The following SPOCK3 variants were observed in gnomAD, a reference collection of about 807,000 sequenced individuals.
The protein encoded by SPOCK3 is SPARC (osteonectin), cwcv and kazal like domains proteoglycan 3.
A neutral mutation model predicts 56.6 loss-of-function variants in SPOCK3; 30 were observed. The ratio of observed to expected loss-of-function variants is 0.53; its 90% confidence interval spans 0.40 to 0.72. SPOCK3 has a LOEUF of 0.72. Ranked by LOEUF, SPOCK3 falls within the 30% of genes least tolerant of loss-of-function variation. The pLI, the probability that SPOCK3 is intolerant of heterozygous loss-of-function variation, is 0.00. For missense variants in SPOCK3, 527 were observed against 530.0 expected (o/e 0.99, Z 0.06); for synonymous variants, 196 against 183.3 (o/e 1.07, Z -0.56).
intron 4 of SPOCK3, among the ~76,000 whole-genome samples, chr4:166,992,314 A>G (rs1432008362): frequency 6.6e-6 from 1 of 152,144 alleles, no homozygotes; most frequent in African/African-American, 2.4e-5. Flanking sequence ...TAAGCGTTAA[A>G]TTTTAAAAAT....
intron 6 of SPOCK3, among the ~76,000 whole-genome samples, chr4:166,817,758 C>G (rs1579313213): frequency 1.3e-5 from 2 of 151,786 alleles, no homozygotes; most frequent in East Asian, 1.9e-4. Context: ...AAATATAATA[C>G]AAGAAGAAAA....
intron 6 of SPOCK3, among the ~76,000 whole-genome samples, chr4:166,829,380 T>C (rs529412268): frequency 3.9e-5 from 6 of 152,198 alleles, no homozygotes; most frequent in African/African-American, 1.4e-4. Flanking sequence ...TAAATAGGGC[T>C]GAATATTTTA....
At chr4:166,821,066 T>C (rs1744887061) in intron 6 of SPOCK3, among the ~76,000 whole-genome samples, 1 of 151,896 alleles carries the variant, frequency 6.6e-6, no homozygotes, top group African/African-American at 2.4e-5. Context: ...GATAATGAAC[T>C]GCCAGAAAAC....
At chr4:166,959,061 T>G (rs1287667321) in intron 4 of SPOCK3, among the ~76,000 whole-genome samples, 1 of 152,212 alleles carries the variant, frequency 6.6e-6, no homozygotes, top group East Asian at 1.9e-4. Flanking sequence ...AAGCATCCAA[T>G]TGATGCTATA....
intron 8 of SPOCK3, among the ~76,000 whole-genome samples, chr4:166,750,336 G>A (rs2126466064): frequency 6.6e-6 from 1 of 152,030 alleles, no homozygotes; most frequent in Non-Finnish European, 1.5e-5. Flanking sequence ...AGACTATTAG[G>A]TCTACACAGG....
At position 167,146,815 on chromosome 4, in the gene SPOCK3, G is replaced by A. The variant is rs564344329; in HGVS notation, c.190-84278C>T. ...TTCTGGGACACATTTAAAGCAGTGT[G>A]GAGAGGGAAATTTATAGCACTAAAT... On this transcript the variant is annotated intron_variant, in intron 2 of 10. Coordinates refer to ENST00000357545, the MANE Select transcript of SPOCK3 (RefSeq NM_001040159.2). 4.6e-5 allele frequency among the ~76,000 whole-genome samples: 7 copies of A among 152,234 alleles called. No homozygotes were observed. The South Asian group carries it at 1.5e-3, about 32-fold the overall frequency.
chr4:167,220,443 A>ATCACGAC (rs1554055302), intron 2 of SPOCK3, among the ~76,000 whole-genome samples: 1 of 146,510 alleles, frequency 6.8e-6, no homozygotes, highest in Non-Finnish European at 1.5e-5. Flanking sequence ...CAGTGGTGTG[A>ATCACGAC]TCACGGCTCA....
intron 2 of SPOCK3, among the ~76,000 whole-genome samples, chr4:167,142,455 A>G (rs1286406936): frequency 2.6e-5 from 4 of 152,010 alleles, no homozygotes. Flanking sequence ...AGAAAAAAAA[A>G]TCCATCAATA....
intron 2 of SPOCK3, among the ~76,000 whole-genome samples, chr4:167,108,424 A>C (rs1204071410): frequency 6.6e-6 from 1 of 152,004 alleles, no homozygotes; most frequent in Non-Finnish European, 1.5e-5. Context: ...TCAACAGATG[A>C]ATGGATAAAG....
chr4:167,214,650 C>A (rs952532551), intron 2 of SPOCK3, among the ~76,000 whole-genome samples: 1 of 152,040 alleles, frequency 6.6e-6, no homozygotes, highest in African/African-American at 2.4e-5. Context: ...CTATAAATTT[C>A]ACTTTTCTGT....
chr4:167,225,417 G>A (rs71620432), intron 2 of SPOCK3, among the ~76,000 whole-genome samples: 4,837 of 152,080 alleles, frequency 0.032, 115 homozygotes, highest in Middle Eastern at 0.075. Context: ...ATTAGGGAAA[G>A]CATCAATCCT....
intron 4 of SPOCK3, among the ~76,000 whole-genome samples, chr4:166,949,572 G>C (rs1742254112): frequency 6.6e-6 from 1 of 152,114 alleles, no homozygotes. Flanking sequence ...AGGACCCTTA[G>C]CTGCACGTCT....
At chr4:166,993,645 G>A (rs1748041338) in intron 4 of SPOCK3, among the ~76,000 whole-genome samples, 1 of 152,038 alleles carries the variant, frequency 6.6e-6, no homozygotes, top group African/African-American at 2.4e-5. Flanking sequence ...CTATGATCAT[G>A]ACAGGAGTAA....
intron 2 of SPOCK3, among the ~76,000 whole-genome samples, chr4:167,152,264 C>A (rs1470916771): frequency 6.6e-6 from 1 of 152,132 alleles, no homozygotes; most frequent in Non-Finnish European, 1.5e-5. Flanking sequence ...TTCCAGAACA[C>A]TGTGGAACAG....
At chr4:166,968,107 T>C (rs1426101374) in intron 4 of SPOCK3, among the ~76,000 whole-genome samples, 1 of 152,158 alleles carries the variant, frequency 6.6e-6, no homozygotes, top group African/African-American at 2.4e-5. Flanking sequence ...AGCAGCAAAG[T>C]GTTCAAGAGG....
chr4:167,095,503 T>C (rs1185587743), intron 2 of SPOCK3, among the ~76,000 whole-genome samples: 1 of 151,544 alleles, frequency 6.6e-6, no homozygotes, highest in Non-Finnish European at 1.5e-5. Context: ...AAATTCAAAA[T>C]GGAAACAGTA....
chr4:167,070,079 A>G (rs1756531390), intron 2 of SPOCK3, among the ~76,000 whole-genome samples: 1 of 151,986 alleles, frequency 6.6e-6, no homozygotes, highest in Non-Finnish European at 1.5e-5. Context: ...TTTTTTCCAC[A>G]AGCCAGTAAG....
chr4:166,877,295 T>C (rs1350847033), intron 6 of SPOCK3, among the ~76,000 whole-genome samples: 1 of 152,318 alleles, frequency 6.6e-6, no homozygotes, highest in East Asian at 1.9e-4. Flanking sequence ...TAGATTTCTC[T>C]GCAGCTATTT....
chr4:166,773,781 A>T (rs1015995093), intron 7 of SPOCK3, among the ~76,000 whole-genome samples: 2 of 152,172 alleles, frequency 1.3e-5, no homozygotes, highest in African/African-American at 2.4e-5. Flanking sequence ...TGAACTTCAC[A>T]TTACATGTAT....
Sources: gnomAD v4.1 joint callset for allele counts (sites outside exome capture counted in the v4.1 genomes callset) on GRCh38, gnomAD v4.1.1 for gene constraint, MANE v1.5 for transcripts, NCBI Gene and HGNC (gene_info 2026-07-23, HGNC 2026-07-21) for gene names.